NDUFA10: variants seen among roughly 807,000 people sequenced by gnomAD.
NDUFA10 encodes NADH dehydrogenase [ubiquinone] 1 alpha subcomplex subunit 10, mitochondrial.
In NDUFA10, 40 loss-of-function variants were observed where a neutral mutation model predicts 47.8. That is an observed-to-expected ratio of 0.84 (90% CI 0.65 to 1.09). The LOEUF (loss-of-function observed/expected upper bound fraction) is 1.09. Among genes scored for constraint, NDUFA10 ranks in the 50% least tolerant of loss-of-function variants. The pLI is 0.00. For synonymous variants in NDUFA10, 183 were observed against 172.2 expected (o/e 1.06, Z -0.49); for missense variants, 413 against 451.1 (o/e 0.92, Z 0.76).
At chr2:239,939,052 A>T (rs950653764) in intron 4 of NDUFA10, among the ~76,000 whole-genome samples, 2 of 152,170 alleles carry the variant, frequency 1.3e-5, no homozygotes, top group Non-Finnish European at 2.9e-5. Flanking sequence ...AGGCCCCACA[A>T]TGCTCTCCTT....
At position 239,960,706 on chromosome 2, in the gene NDUFA10, T is replaced by C. The variant is rs546052985; in HGVS notation, c.*412A>G. ...TGTGTGCACGTGTGCAGTTTCGACG[T>C]GCCCGCACGCACATAGACGTACGAT... On this transcript the variant is annotated 3_prime_UTR_variant, in exon 10 of 10. Coordinates refer to ENST00000252711, the MANE Select transcript of NDUFA10 (RefSeq NM_004544.4). 8.5e-5 allele frequency: 99 copies of C among 1,165,216 alleles called. No individual in the cohort carries two copies. Among genetic ancestry groups the C allele is most frequent in the Non-Finnish European group, 9.9e-5 (92 of 930,296 alleles). 72.2% of individuals were successfully genotyped at this position (1,165,216 alleles called of 1,614,324 possible). A position where few individuals can be genotyped will look rare whatever the true frequency, so the allele number is the denominator to read the frequency against.
intron 9 of NDUFA10, among the ~76,000 whole-genome samples, chr2:239,982,619 A>G (rs1440485969): frequency 6.6e-6 from 1 of 152,156 alleles, no homozygotes; most frequent in Non-Finnish European, 1.5e-5. Context: ...TCCAGGCCCT[A>G]TCTCTTCCTA....
At chr2:239,981,713 C>T (rs529979280) in intron 9 of NDUFA10, among the ~76,000 whole-genome samples, 3 of 152,168 alleles carry the variant, frequency 2.0e-5, no homozygotes, top group Admixed American at 6.5e-5. Flanking sequence ...AACATGCATG[C>T]AACGTCCTGG....
intron 4 of NDUFA10, among the ~76,000 whole-genome samples, chr2:239,947,561 G>A (rs1423376541): frequency 2.0e-5 from 3 of 152,148 alleles, no homozygotes; most frequent in African/African-American, 4.8e-5. Flanking sequence ...ACACAGACAG[G>A]GACGGCTCCT....
intron 9 of NDUFA10, among the ~76,000 whole-genome samples, chr2:239,975,872 C>G (rs755397519): frequency 6.6e-6 from 1 of 152,100 alleles, no homozygotes; most frequent in Non-Finnish European, 1.5e-5. Context: ...GATCCCAGAC[C>G]GTCGGTTCTG....
In NDUFA10 at chr2:239,945,496, C is replaced by T. The variant is rs556391186; in HGVS notation, c.294+44578G>A. ...CCCAACCGGAACGCAGGCTGCACCG[C>T]GAGGCTCCCTGCGCCCCACCGAGCC... On this transcript the variant is annotated intron_variant, in intron 4 of 5. Transcript: ENST00000419408. The surrounding 1 kb of genome is among the most constrained non-coding windows in gnomAD (Gnocchi z 4.6). Among the ~76,000 whole-genome samples the T allele has an allele frequency of 5.1e-4, 77 of 152,182 alleles. 2 individuals carry two copies. The South Asian group carries it at 7.3e-3, about 14-fold the overall frequency.
chr2:239,925,106 A>G (rs1694046208), intron 4 of NDUFA10, among the ~76,000 whole-genome samples: 2 of 152,210 alleles, frequency 1.3e-5, no homozygotes, highest in Non-Finnish European at 2.9e-5. Context: ...GGAAAACTCA[A>G]TTCTCCCTAA....
chr2:239,974,358 T>A (rs1404473635), intron 9 of NDUFA10, among the ~76,000 whole-genome samples: 1 of 152,166 alleles, frequency 6.6e-6, no homozygotes, highest in Non-Finnish European at 1.5e-5. Flanking sequence ...AGACAAACAC[T>A]CCAAGGTCAC....
chr2:240,017,321 C>T (rs79115093), intron 4 of NDUFA10, among the ~76,000 whole-genome samples: 11,614 of 152,194 alleles, frequency 0.076, 528 homozygotes, highest in Admixed American at 0.13. Context: ...CTATAGGACA[C>T]CACCACCAGC....
At chr2:239,910,922 C>G (rs1213616870) in intron 4 of NDUFA10, among the ~76,000 whole-genome samples, 1 of 152,218 alleles carries the variant, frequency 6.6e-6, no homozygotes, top group African/African-American at 2.4e-5. Context: ...GCAGAGGCCG[C>G]TCCGTCCTGA....
At position 239,981,353 on chromosome 2, in the gene NDUFA10, G is replaced by A. The variant is rs564028659; in HGVS notation, c.999+8721C>T. On this transcript the variant is annotated intron_variant, in intron 9 of 9. Transcript: ENST00000252711. The stretch of plus-strand genomic sequence containing the variant: ...ATGGGTGAGAAAAAGAAGAAACAAC[G>A]AACAAGATCAGACAGCGTCCAGAGC... 3.9e-5 allele frequency among the ~76,000 whole-genome samples: 6 copies of A among 152,266 alleles called. No individual in the cohort carries two copies. In the East Asian group the frequency reaches 5.8e-4, roughly 15 times the overall value.
chr2:240,024,517 G>C (rs181299633), intron 1 of NDUFA10, among the ~76,000 whole-genome samples: 191 of 152,340 alleles, frequency 1.3e-3, no homozygotes, highest in Middle Eastern at 3.4e-3. Flanking sequence ...AAGCTACTCT[G>C]TACGAACCTA....
intron 4 of NDUFA10, among the ~76,000 whole-genome samples, chr2:239,915,694 C>T (rs1393353020): frequency 6.6e-6 from 1 of 151,160 alleles, no homozygotes; most frequent in Non-Finnish European, 1.5e-5. Context: ...ACAGAACACA[C>T]ACATACATAC....
intron 4 of NDUFA10, among the ~76,000 whole-genome samples, chr2:239,912,501 C>T (rs1693772330): frequency 1.3e-5 from 2 of 152,366 alleles, no homozygotes; most frequent in Middle Eastern, 3.4e-3. Context: ...TAGCTGCTCA[C>T]CCTTCTGGGG....
At chr2:239,904,196 C>T (rs113418335) in intron 4 of NDUFA10, among the ~76,000 whole-genome samples, 29 of 152,244 alleles carry the variant, frequency 1.9e-4, no homozygotes, top group South Asian at 1.0e-3. Flanking sequence ...CAGTGTGCCC[C>T]GGGGGACACT....
At chr2:240,021,434 T>C (rs906001218) in intron 2 of NDUFA10, 22 bp from the exon 3 acceptor site, 3 of 1,599,940 alleles carry the variant, frequency 1.9e-6, no homozygotes, top group Admixed American at 3.3e-5. Flanking sequence ...AACAGTCGGA[T>C]GCAGTCTGAT....
Position 239,957,751 on chromosome 2 carries a change from T to C in NDUFA10, c.*3367A>G, listed in dbSNP as rs1455385958. On this transcript the variant is annotated 3_prime_UTR_variant, in exon 10 of 10. Transcript: ENST00000252711. Reference sequence around the variant, plus strand: ...ACAGCACCACTCTTTTGGGGACAAGTCCATCACTGGAGCTCCCCGGCCTCC... The same window carrying C: ...ACAGCACCACTCTTTTGGGGACAAGCCCATCACTGGAGCTCCCCGGCCTCC... 6.6e-6 allele frequency: 1 copy of C among 152,140 alleles called. No individual in the cohort carries two copies. Among genetic ancestry groups the C allele is most frequent in the East Asian group, 1.9e-4 (1 of 5,176 alleles). The allele number at this position is 152,140 out of a possible 1,614,324, so 9.4% of individuals were successfully genotyped here.
rs1383612348 is a variant in NDUFA10, at chr2:239,987,597, G to A, written c.999+2477C>T. Among the ~76,000 whole-genome samples the A allele has an allele frequency of 1.3e-5, 2 of 152,068 alleles. No homozygotes were observed. ...ACCCAAACTAAAAAAAAACAAATAG[G>A]TAAAAATGATGATCAAATAAAGACC... is the stretch of plus-strand genomic sequence containing the variant. On this transcript the variant is annotated intron_variant, in intron 9 of 9. Transcript: ENST00000252711. This position sits in a 1 kb window ranked among gnomAD's most constrained non-coding sequence, Gnocchi z 4.8.
At chr2:239,898,907 A>T (rs75499001) in intron 4 of NDUFA10, among the ~76,000 whole-genome samples, 8,605 of 126,562 alleles carry the variant, frequency 0.068, 590 homozygotes, top group South Asian at 0.11. Flanking sequence ...GAAGGAGGGG[A>T]GTGATGGAAG....
Sources: gnomAD v4.1 joint callset for allele counts (sites outside exome capture counted in the v4.1 genomes callset) on GRCh38, gnomAD v4.1.1 for gene constraint, Gnocchi (gnomAD v3.1) non-coding constraint, MANE v1.5 for transcripts, NCBI Gene and HGNC (gene_info 2026-07-23, HGNC 2026-07-21) for gene names.